NOX5: variants seen among roughly 807,000 people sequenced by gnomAD.
NOX5 encodes the protein NADPH oxidase 5.
A neutral mutation model predicts 85.7 loss-of-function variants in NOX5; 76 were observed. The ratio of observed to expected loss-of-function variants is 0.89; its 90% CI spans 0.74 to 1.07. NOX5 has a LOEUF of 1.07. Ranked by LOEUF, NOX5 falls within the 50% of genes least tolerant of loss-of-function variation. The pLI is 0.00. For missense variants in NOX5, 973 were observed against 999.5 expected (o/e 0.97, Z 0.36); for synonymous variants, 405 against 401.4 (o/e 1.01, Z -0.11).
At chr15:69,051,945 G>A (rs191230576) in intron 14 of NOX5, among the ~76,000 whole-genome samples, 50 of 152,156 alleles carry the variant, frequency 3.3e-4, no homozygotes, top group African/African-American at 1.0e-3. Flanking sequence ...TTGGCCTGGT[G>A]GCTCACGCCT....
Position 69,028,216 on chromosome 15 carries a change from CCTT to C in NOX5, c.180_182del (p.Phe61del), listed in dbSNP as rs1177510842. 5 of 1,599,758 alleles carry C rather than the reference CCTT, an allele frequency of 3.1e-6. No homozygotes were observed. The highest frequency in any genetic ancestry group is 2.7e-5 in the African/African-American group (2 of 74,464). On this transcript the variant is annotated inframe_deletion and splice_region_variant, in exon 3 of 16. Transcript: ENST00000388866. ...GTCTTCCACCCTTCTCGCCCACAGT[CCTT>C]CTTTGCAGAGCGATTCTTTGCCCTA...
chr15:69,026,531 C>G lies in NOX5; in HGVS notation c.54C>G (p.Thr18=), dbSNP rs757992189. The stretch of plus-strand genomic sequence containing the variant: ...ACCTGTTTCCTTTGCCTCCCAGCAC[C>G]ATGAGTGCCGAGGAGGATGCCAGGT... ...AQTGPEGCRG[T]MSAEEDARWL... is the part of the protein sequence containing the mutation. The change falls in exon 2 of 16, where the codon ACC becomes ACG. Residue 18 remains threonine, a synonymous_variant. Coordinates refer to ENST00000388866, the MANE Select transcript of NOX5 (RefSeq NM_024505.4). The G allele has an allele frequency of 2.5e-6, 4 of 1,614,150 alleles. No individual in the cohort carries two copies. The highest frequency in any genetic ancestry group is 3.3e-5 in the Admixed American group (2 of 60,020).
chr15:69,039,067 G>T, intron 9 of NOX5, 78 bp downstream of exon 9: 2 of 1,502,932 alleles, frequency 1.3e-6, no homozygotes, highest in Non-Finnish European at 9.2e-7. Context: ...CTGGAAACTC[G>T]GAACACAGCA....
intron 4 of NOX5, 94 bp downstream of exon 4, chr15:69,031,906 C>T: frequency 7.6e-7 from 1 of 1,318,356 alleles, no homozygotes; most frequent in South Asian, 1.5e-5. Context: ...CCACTCTGCC[C>T]TACCCCGCCC....
At chr15:69,020,872 A>C (rs759442721) in intron 1 of NOX5, among the ~76,000 whole-genome samples, 1 of 152,118 alleles carries the variant, frequency 6.6e-6, no homozygotes, top group Non-Finnish European at 1.5e-5. Flanking sequence ...GTTTTAATTA[A>C]GAATGAATTT....
intron 1 of NOX5, among the ~76,000 whole-genome samples, chr15:69,018,646 C>T (rs2050261747): frequency 6.6e-6 from 1 of 151,870 alleles, no homozygotes; most frequent in Non-Finnish European, 1.5e-5. Flanking sequence ...AGCCACTTGC[C>T]TCACAGGTGT....
chr15:69,035,919 A>C lies in NOX5; in HGVS notation c.1171A>C (p.Arg391=). The change falls in exon 7 of 16, where the codon AGG becomes CGG. Residue 391 remains arginine, a synonymous_variant. Transcript: ENST00000388866. The stretch of plus-strand genomic sequence containing the variant: ...CATCTGCTCCAGTTCCTGCATCCGC[A>C]GGAGTGGCCACTTTGAGGTGCCCCA... ...MFICSSSCIR[R]SGHFEVFYWT... 1 of 1,614,130 alleles carries C rather than the reference A, an allele frequency of 6.2e-7. No individual in the cohort carries two copies. Among genetic ancestry groups the C allele is most frequent in the Non-Finnish European group, 8.5e-7 (1 of 1,180,002 alleles).
Position 69,056,843 on chromosome 15 carries a change from C to G in NOX5, c.*147C>G. On this transcript the variant is annotated 3_prime_UTR_variant, in exon 16 of 16. Coordinates refer to ENST00000388866, the MANE Select transcript of NOX5 (RefSeq NM_024505.4). The stretch of plus-strand genomic sequence containing the variant: ...CCCTAATCCTGCTCAACAGAGAGAA[C>G]AGGAGACCCCAAGGGGCAGATGAAC... The G allele has an allele frequency of 2.1e-6, 2 of 969,498 alleles. No homozygotes were observed. The highest frequency in any genetic ancestry group is 5.4e-5 in the East Asian group (2 of 37,076). The allele number at this position is 969,498 out of a possible 1,614,324, so 60.1% of individuals were successfully genotyped here.
intron 7 of NOX5, 121 bp from the exon 8 acceptor site, chr15:69,036,907 C>A (rs3825856): frequency 0.029 from 22,736 of 785,418 alleles, 1,355 homozygotes; most frequent in East Asian, 0.19. Flanking sequence ...CAACTCCATC[C>A]CCGGGAGAGA....
chr15:69,032,477 C>G (rs1270994283), intron 4 of NOX5, among the ~76,000 whole-genome samples: 3 of 149,700 alleles, frequency 2.0e-5, no homozygotes, highest in African/African-American at 7.4e-5. Context: ...GTGGTATGAT[C>G]TCGGCTCACC....
At chr15:69,046,797 T>C in intron 10 of NOX5, 25 bp from the exon 11 acceptor site, 11 of 1,610,844 alleles carry the variant, frequency 6.8e-6, no homozygotes, top group Non-Finnish European at 9.3e-6. Flanking sequence ...CCAAGACCCA[T>C]AACTCTCTGC....
At chr15:69,028,004 A>G (rs952456051) in intron 2 of NOX5, among the ~76,000 whole-genome samples, 4 of 152,188 alleles carry the variant, frequency 2.6e-5, no homozygotes, top group African/African-American at 9.7e-5. Context: ...CCTGAAGTCC[A>G]AACCAAGCCC....
rs909510267 is a variant in NOX5 at position 69,035,513 on chromosome 15, T to C, written c.1009+6T>C. 1 of 1,613,890 alleles carries C rather than the reference T, an allele frequency of 6.2e-7. No homozygotes were observed. Among genetic ancestry groups the C allele is most frequent in the Non-Finnish European group, 8.5e-7 (1 of 1,179,886 alleles). On this transcript the variant is annotated splice_donor_region_variant and intron_variant, in intron 6 of 15. Coordinates refer to ENST00000388866, the MANE Select transcript of NOX5 (RefSeq NM_024505.4). ...GGCTCACACTGTGAACTTTGGTGAG[T>C]GATCTGGGGCAGGGTTGGGTCGGGG...
rs117095137 is a variant in NOX5 at position 69,016,735 on chromosome 15, A to C, written c.50+1950A>C. Among the ~76,000 whole-genome samples the C allele has an allele frequency of 1.4e-3, 208 of 152,278 alleles. 1 individual carries two copies. Among genetic ancestry groups the C allele is most frequent in the Non-Finnish European group, 8.8e-4 (60 of 68,022 alleles). ...TCACTAACGCTTTTAATAAATGAGGAAACTGAAGCATGCATGCACACACAC... is the reference window on the plus strand; with the variant it reads ...TCACTAACGCTTTTAATAAATGAGGCAACTGAAGCATGCATGCACACACAC... On this transcript the variant is annotated intron_variant, in intron 1 of 15. Transcript: ENST00000388866.
chr15:69,055,895 A>G (rs2050806487), intron 15 of NOX5, among the ~76,000 whole-genome samples: 1 of 151,978 alleles, frequency 6.6e-6, no homozygotes, highest in South Asian at 2.1e-4. Context: ...CTTTTATTTT[A>G]TTTCTCAGAT....
chr15:69,043,024 G>A (rs2050615900), intron 10 of NOX5, among the ~76,000 whole-genome samples: 1 of 152,206 alleles, frequency 6.6e-6, no homozygotes, highest in Admixed American at 6.5e-5. Context: ...ATTAGAAGGG[G>A]GAGAGAGCAA....
chr15:69,033,701 CTTTT>C (rs570603838), intron 5 of NOX5, among the ~76,000 whole-genome samples: 2 of 119,284 alleles, frequency 1.7e-5, no homozygotes, highest in Non-Finnish European at 3.5e-5. Flanking sequence ...TCTTTTTTTT[CTTTT>C]TTTTTTTTTT....
In NOX5 at chr15:69,037,078, C is replaced by T. The variant is rs2050528276; in HGVS notation, c.1239C>T (p.Ile413=). Residue 413 remains isoleucine, a synonymous_variant, in exon 8 of 16, where the codon ATC becomes ATT. Coordinates refer to ENST00000388866, the MANE Select transcript of NOX5 (RefSeq NM_024505.4). ...ACCTCCTCGTGTGGCTTCTGCTCAT[C>T]TTTCATGGGCCCAACTTCTGGAAGT... The part of the protein sequence containing the change: ...LSYLLVWLLL[I]FHGPNFWKWL... The T allele has an allele frequency of 6.2e-7, 1 of 1,614,056 alleles. No homozygotes were observed. The highest frequency in any genetic ancestry group is 8.5e-7 in the Non-Finnish European group (1 of 1,180,008).
At chr15:69,056,248 C>T (rs527445356) in intron 15 of NOX5, among the ~76,000 whole-genome samples, 5 of 152,212 alleles carry the variant, frequency 3.3e-5, no homozygotes, top group East Asian at 1.9e-4. Context: ...CATCTCTCTG[C>T]GTGTCTGATT....
Sources: allele counts gnomAD v4.1 joint callset (sites outside exome capture counted in the v4.1 genomes callset), GRCh38; gene constraint gnomAD v4.1.1; transcripts MANE v1.5; gene names NCBI Gene and HGNC (gene_info 2026-07-23, HGNC 2026-07-21).